Variants in RPS3 observed in about 807,000 individuals in gnomAD.
RPS3 encodes small ribosomal subunit protein uS3.
Under a neutral mutation model 25.8 loss-of-function variants are expected in RPS3, and 2 were observed. The observed-to-expected ratio is 0.08, with a 90% CI of 0.03 to 0.24. The LOEUF (loss-of-function observed/expected upper bound fraction) is 0.24, where lower values mean the gene tolerates loss of function less well. Ranked by LOEUF, RPS3 falls within the 10% of genes least tolerant of loss-of-function variation. The pLI is 1.00. For synonymous variants in RPS3, 114 were observed against 114.2 expected (o/e 1.00, Z 0.01); for missense variants, 107 against 307.1 (o/e 0.35, Z 4.87).
chr11:75,399,891 C>G, intron 1 of RPS3: 1 of 493,720 alleles, frequency 2.0e-6, no homozygotes, highest in Non-Finnish European at 3.6e-6. Context: ...TGTGTCATTT[C>G]CCTCATGTCT....
At chr11:75,414,186 A>C (rs932026315) in intron 6 of RPS3, among the ~76,000 whole-genome samples, 1 of 152,212 alleles carries the variant, frequency 6.6e-6, no homozygotes, top group Non-Finnish European at 1.5e-5. Context: ...GCCCCTCCCC[A>C]CCAACTAGGC....
intron 6 of RPS3, among the ~76,000 whole-genome samples, chr11:75,420,246 T>TA (rs2135074118): frequency 6.6e-6 from 1 of 152,324 alleles, no homozygotes; most frequent in South Asian, 2.1e-4. Flanking sequence ...GTTTAACCAA[T>TA]AGTCCTAGGA....
Position 75,404,389 on chromosome 11 carries a change from T to A in RPS3, c.538+182T>A, listed in dbSNP as rs777006938. On this transcript the variant is annotated intron_variant, in intron 5 of 6. Coordinates refer to ENST00000531188, the MANE Select transcript of RPS3 (RefSeq NM_001005.5). This position sits in a 1 kb window ranked among gnomAD's most constrained non-coding sequence, Gnocchi z 4.6. ...GCTGAGATCTGTCAGATCCAAGAGT[T>A]GGTTTGTCCTTGTTTTAGCCATCTG... The A allele has an allele frequency of 1.3e-6, 1 of 798,646 alleles. No individual in the cohort carries two copies. Among genetic ancestry groups the A allele is most frequent in the South Asian group, 1.4e-5 (1 of 72,568 alleles). The allele number at this position is 798,646 out of a possible 1,614,324, so 49.5% of individuals were successfully genotyped here.
chr11:75,421,096 C>T (rs1948440125), intron 6 of RPS3, among the ~76,000 whole-genome samples: 2 of 152,216 alleles, frequency 1.3e-5, no homozygotes, highest in African/African-American at 2.4e-5. Flanking sequence ...AGGGTGGGCG[C>T]AGGCAGGCTA....
intron 3 of RPS3, 63 bp downstream of exon 3, chr11:75,401,796 C>T: frequency 2.2e-6 from 2 of 915,814 alleles, no homozygotes; most frequent in Non-Finnish European, 3.6e-6. Flanking sequence ...TAAAAACTCT[C>T]AACTTGGAGA....
At chr11:75,419,852 T>C (rs181207208) in intron 6 of RPS3, among the ~76,000 whole-genome samples, 5 of 152,188 alleles carry the variant, frequency 3.3e-5, no homozygotes, top group Non-Finnish European at 5.9e-5. Flanking sequence ...CAGGCTGGTC[T>C]TGAACTGCTA....
intron 6 of RPS3, 188 bp downstream of exon 6, chr11:75,405,056 G>C: frequency 4.5e-6 from 2 of 442,348 alleles, no homozygotes; most frequent in Non-Finnish European, 8.0e-6. Flanking sequence ...GACAGGTGTT[G>C]CCTTTATTCT....
chr11:75,403,482 A>G (rs954781344), intron 4 of RPS3: 3 of 152,476 alleles, frequency 2.0e-5, no homozygotes, highest in African/African-American at 7.2e-5. Flanking sequence ...AAACTGCCGA[A>G]TGAGTTGGGG....
At chr11:75,408,628 A>G (rs1948310996), downstream of RPS3, among the ~76,000 whole-genome samples, 1 of 152,104 alleles carries the variant, frequency 6.6e-6, no homozygotes, top group Non-Finnish European at 1.5e-5. Flanking sequence ...CCCAGGCTGG[A>G]GTGCAGTAGC....
rs1319937507 is a variant in RPS3, at chr11:75,419,565, AAAAG to A, written c.*4-2154_*4-2151del. On this transcript the variant is annotated intron_variant, in intron 6 of 6. Transcript: ENST00000527446. ...TGAGACTCCTTCTCAAACAAAAAAA[AAAAG>A]AAAGAAAAAAAGAAAATCTAATATA... Among the ~76,000 whole-genome samples, 21 of 152,320 alleles carry A rather than the reference AAAAG, an allele frequency of 1.4e-4. No individual in the cohort carries two copies. In the South Asian group the frequency reaches 3.1e-3, roughly 23 times the overall value.
intron 6 of RPS3, among the ~76,000 whole-genome samples, chr11:75,419,277 G>T (rs1042496238): frequency 1.3e-5 from 2 of 152,120 alleles, no homozygotes; most frequent in Admixed American, 1.3e-4. Flanking sequence ...ACTCTGGCTG[G>T]GCTTGGTGGC....
At chr11:75,400,929 C>T in intron 2 of RPS3, 105 bp downstream of exon 2, 3 of 1,396,988 alleles carry the variant, frequency 2.1e-6, no homozygotes, top group African/African-American at 3.0e-5. Flanking sequence ...GTCCCCAAAG[C>T]TGGAGTGCAG....
chr11:75,404,716 A>G lies in RPS3; in HGVS notation c.583A>G (p.Thr195Ala), dbSNP rs1948259838. The change falls in exon 6 of 7, where the codon ACT becomes GCT. Residue 195 changes from threonine to alanine, a missense_variant. Physicochemically the swap from Thr to Ala is moderately conservative, Grantham distance 58. Around this residue, in one of 2 missense-constraint regions of RPS3, gnomAD observed 81 missense variants for 286.8 expected, o/e 0.28. Coordinates refer to ENST00000531188, the MANE Select transcript of RPS3 (RefSeq NM_001005.5). This position sits in a 1 kb window ranked among gnomAD's most constrained non-coding sequence, Gnocchi z 4.6. ...GAAGATCATGCTGCCCTGGGACCCA[A>G]CTGGTAAGATTGGCCCTAAGAAGCC... is the stretch of plus-strand genomic sequence containing the variant. ...KVKIMLPWDP[T>A]GKIGPKKPLP... The G allele has an allele frequency of 1.9e-6, 3 of 1,613,394 alleles. No individual in the cohort carries two copies. Among genetic ancestry groups the G allele is most frequent in the South Asian group, 1.1e-5 (1 of 91,036 alleles).
intron 6 of RPS3, among the ~76,000 whole-genome samples, chr11:75,413,545 C>A (rs1033976332): frequency 6.6e-6 from 1 of 152,138 alleles, no homozygotes; most frequent in Non-Finnish European, 1.5e-5. Flanking sequence ...CATGAGCCAC[C>A]GCGCCCAGCC....
At chr11:75,408,627 G>C, downstream of RPS3, among the ~76,000 whole-genome samples, 1 of 152,108 alleles carries the variant, frequency 6.6e-6, no homozygotes, top group Admixed American at 6.5e-5. Flanking sequence ...GCCCAGGCTG[G>C]AGTGCAGTAG....
At chr11:75,399,622 G>A (rs1288554967) in intron 1 of RPS3, 45 bp downstream of exon 1, 2 of 1,585,152 alleles carry the variant, frequency 1.3e-6, no homozygotes, top group African/African-American at 1.3e-5. Flanking sequence ...GCGCCGCGCG[G>A]GTCGAGGGCT....
At chr11:75,403,430 C>T (rs143272974) in intron 4 of RPS3, 23 of 152,394 alleles carry the variant, frequency 1.5e-4, no homozygotes, top group African/African-American at 5.1e-4. Flanking sequence ...TGTGAAAGGG[C>T]CTGGAGGTGG....
At chr11:75,405,572 C>G in intron 6 of RPS3, 42 bp from the exon 7 acceptor site, 1 of 453,882 alleles carries the variant, frequency 2.2e-6, no homozygotes, top group South Asian at 1.6e-5. Flanking sequence ...AACTTAATAA[C>G]TCTGGTAAAG....
Position 75,413,546 on chromosome 11 carries a change from G to A in RPS3, c.*4-8181G>A, listed in dbSNP as rs528966927. ...GCTGGGATTACAGGCATGAGCCACC[G>A]CGCCCAGCCCTTCTTGTATATTCTT... On this transcript the variant is annotated intron_variant, in intron 6 of 6. Coordinates refer to the RPS3 transcript ENST00000527446. 5.9e-5 allele frequency among the ~76,000 whole-genome samples: 9 copies of A among 152,250 alleles called. No homozygotes were observed. The South Asian group carries it at 6.2e-4, about 11-fold the overall frequency.
Sources: gnomAD v4.1 joint callset for allele counts (sites outside exome capture counted in the v4.1 genomes callset) on GRCh38, gnomAD v4.1.1 for gene constraint, gnomAD v4.1.1 regional missense constraint, Gnocchi (gnomAD v3.1) non-coding constraint, MANE v1.5 for transcripts, NCBI Gene and HGNC (gene_info 2026-07-23, HGNC 2026-07-21) for gene names.